The following BUB1B variants were observed in gnomAD, a reference collection of about 807,000 sequenced individuals.
BUB1B encodes the protein BUB1 mitotic checkpoint serine/threonine kinase B, also known as mitotic checkpoint serine/threonine-protein kinase BUB1 beta.
A neutral mutation model predicts 137.7 loss-of-function variants in BUB1B; 86 were observed. That is an observed-to-expected ratio of 0.62 (90% confidence interval 0.52 to 0.75). BUB1B has a LOEUF of 0.75. Among genes scored for constraint, BUB1B ranks in the 30% least tolerant of loss-of-function variants. BUB1B has a pLI of 0.00. For synonymous variants in BUB1B, 420 were observed against 417.9 expected (o/e 1.00, Z -0.06); for missense variants, 1,130 against 1,236.9 (o/e 0.91, Z 1.30).
intron 9 of BUB1B, among the ~76,000 whole-genome samples, chr15:40,198,574 A>G (rs2140899583): frequency 6.6e-6 from 1 of 152,324 alleles, no homozygotes; most frequent in Admixed American, 6.5e-5. Context: ...AGCCACAATC[A>G]GGGCCTACAC....
intron 8 of BUB1B, among the ~76,000 whole-genome samples, chr15:40,186,736 C>T (rs112800869): frequency 0.14 from 21,121 of 151,578 alleles, 1,614 homozygotes; most frequent in African/African-American, 0.16. Context: ...TGAGCCACTG[C>T]GCCCAGCCCT....
intron 1 of BUB1B, among the ~76,000 whole-genome samples, chr15:40,161,765 A>G (rs1395443658): frequency 6.6e-6 from 1 of 152,248 alleles, no homozygotes; most frequent in Admixed American, 6.5e-5. Context: ...ATAGAGATCT[A>G]AAAGCCTTTT....
At chr15:40,170,250 C>T (rs1021217396) in intron 3 of BUB1B, 129 bp downstream of exon 3, 4 of 908,280 alleles carry the variant, frequency 4.4e-6, no homozygotes, top group African/African-American at 1.7e-5. Context: ...CACAGAGATC[C>T]AGAATAATCA....
At chr15:40,209,574 T>C (rs946688950) in intron 16 of BUB1B, 61 bp from the exon 17 acceptor site, 8 of 1,594,628 alleles carry the variant, frequency 5.0e-6, no homozygotes, top group Non-Finnish European at 6.0e-6. Flanking sequence ...TGTTATAATA[T>C]CCATTTTAAG....
At chr15:40,196,071 A>AG (rs1335579259) in intron 8 of BUB1B, among the ~76,000 whole-genome samples, 1 of 152,194 alleles carries the variant, frequency 6.6e-6, no homozygotes, top group Admixed American at 6.5e-5. Context: ...AATGTCTAGG[A>AG]GGGTTTTTCC....
intron 5 of BUB1B, among the ~76,000 whole-genome samples, chr15:40,179,902 A>G (rs1370281005): frequency 6.6e-6 from 1 of 151,670 alleles, no homozygotes; most frequent in Non-Finnish European, 1.5e-5. Flanking sequence ...TATACTTGTC[A>G]TAGGTATTAC....
intron 12 of BUB1B, 112 bp downstream of exon 12, chr15:40,201,092 G>T: frequency 4.1e-6 from 4 of 977,058 alleles, no homozygotes; most frequent in Non-Finnish European, 6.3e-6. Context: ...GGGGGACTAG[G>T]ATACTAGGAA....
At chr15:40,193,249 A>C (rs994934360) in intron 8 of BUB1B, among the ~76,000 whole-genome samples, 13 of 152,110 alleles carry the variant, frequency 8.5e-5, no homozygotes, top group African/African-American at 3.1e-4. Flanking sequence ...TTTTCAAAGT[A>C]GCTATACTGT....
intron 2 of BUB1B, among the ~76,000 whole-genome samples, chr15:40,167,724 GTTTT>G (rs1189085980): frequency 1.3e-5 from 2 of 151,566 alleles, no homozygotes; most frequent in East Asian, 3.9e-4. Context: ...GAGTAAACAA[GTTTT>G]TTTCCTCTCA....
intron 5 of BUB1B, among the ~76,000 whole-genome samples, chr15:40,178,300 T>C (rs1177248398): frequency 6.6e-6 from 1 of 152,084 alleles, no homozygotes; most frequent in Non-Finnish European, 1.5e-5. Flanking sequence ...TTTTCTAGCT[T>C]ACCCCGTGTC....
At chr15:40,169,943 C>T (rs1215447193) in intron 2 of BUB1B, 119 bp from the exon 3 acceptor site, 1 of 889,658 alleles carries the variant, frequency 1.1e-6, no homozygotes, top group East Asian at 2.5e-5. Context: ...CCCATAAACT[C>T]TAGTGCAATA....
intron 1 of BUB1B, among the ~76,000 whole-genome samples, chr15:40,164,662 CTTT>C (rs1174963610): frequency 1.6e-5 from 2 of 127,594 alleles, no homozygotes. Context: ...ATTCATTTTT[CTTT>C]TTTTTTTTTT....
At chr15:40,218,881 C>T (rs2037842952) in intron 22 of BUB1B, among the ~76,000 whole-genome samples, 1 of 152,184 alleles carries the variant, frequency 6.6e-6, no homozygotes, top group African/African-American at 2.4e-5. Context: ...AATTTTCTAA[C>T]TAATTGGTGT....
At chr15:40,179,271 C>T (rs527305489) in intron 5 of BUB1B, among the ~76,000 whole-genome samples, 2 of 151,926 alleles carry the variant, frequency 1.3e-5, no homozygotes, top group Non-Finnish European at 2.9e-5. Flanking sequence ...TGTTTATTGC[C>T]GAATGATATT....
In BUB1B at chr15:40,218,550, A is replaced by C; in HGVS notation, c.2945A>C (p.Gln982Pro). 6.2e-7 allele frequency: 1 copy of C among 1,610,098 alleles called. No homozygotes were observed. The highest frequency in any genetic ancestry group is 8.5e-7 in the Non-Finnish European group (1 of 1,176,364). ...GATGGGTCCTTCTGGAAACTTAGCC[A>C]AAATATTTCTGAGTAAGTATTGATG... ...FWDGSFWKLSQNISELKDGEL... is the reference protein window; with the variant it reads ...FWDGSFWKLSPNISELKDGEL... Residue 982 changes from glutamine (Q) to proline (P), a missense_variant, in exon 22 of 23, where the codon CAA (glutamine) becomes CCA (proline). Coordinates refer to ENST00000287598, the MANE Select transcript of BUB1B (RefSeq NM_001211.6).
chr15:40,195,574 G>T (rs182541847), intron 8 of BUB1B, among the ~76,000 whole-genome samples: 41 of 152,234 alleles, frequency 2.7e-4, no homozygotes, highest in African/African-American at 8.9e-4. Flanking sequence ...TTCCATAGTG[G>T]TTGTACGAGT....
At chr15:40,207,309 C>T (rs2037649850) in intron 15 of BUB1B, among the ~76,000 whole-genome samples, 1 of 152,102 alleles carries the variant, frequency 6.6e-6, no homozygotes, top group African/African-American at 2.4e-5. Flanking sequence ...GCTTTTAAAG[C>T]TACATTTTGA....
At chr15:40,180,496 C>T (rs2037275718) in intron 5 of BUB1B, among the ~76,000 whole-genome samples, 1 of 151,534 alleles carries the variant, frequency 6.6e-6, no homozygotes, top group African/African-American at 2.4e-5. Context: ...AAACTCCTGA[C>T]CTCAAATGGT....
chr15:40,167,987 C>G lies in BUB1B; in HGVS notation c.180-2075C>G, dbSNP rs961167137. Among the ~76,000 whole-genome samples the G allele has an allele frequency of 2.0e-5, 3 of 150,518 alleles. No homozygotes were observed. The East Asian group carries it at 5.8e-4, about 29-fold the overall frequency. On this transcript the variant is annotated intron_variant, in intron 2 of 22. Coordinates refer to ENST00000287598, the MANE Select transcript of BUB1B (RefSeq NM_001211.6). The stretch of plus-strand genomic sequence containing the variant: ...ACAGCTTTTGTTCTTTTCAAAATTG[C>G]TTTAGTTATTCTTGGTCCTTTGCCT...
Sources: allele counts gnomAD v4.1 joint callset (sites outside exome capture counted in the v4.1 genomes callset), GRCh38; gene constraint gnomAD v4.1.1; transcripts MANE v1.5; gene names NCBI Gene and HGNC (gene_info 2026-07-23, HGNC 2026-07-21).